The following RIMS1 variants were observed in gnomAD, a reference collection of about 807,000 sequenced individuals.
RIMS1 encodes the protein regulating synaptic membrane exocytosis protein 1.
Under a neutral mutation model 214.1 loss-of-function variants are expected in RIMS1, and 83 were observed. The observed-to-expected ratio is 0.39, with a 90% CI of 0.32 to 0.47. RIMS1 has a LOEUF of 0.47. Among genes scored for constraint, RIMS1 ranks in the 20% least tolerant of loss-of-function variants. The pLI, the probability that RIMS1 is intolerant of heterozygous loss-of-function variation, is 0.99. For synonymous variants in RIMS1, 793 were observed against 786.8 expected (o/e 1.01, Z -0.13); for missense variants, 2,050 against 2,161.8 (o/e 0.95, Z 1.03).
At chr6:72,213,245 C>T in intron 6 of RIMS1, 2 of 1,524,482 alleles carry the variant, frequency 1.3e-6, no homozygotes, top group Middle Eastern at 1.7e-4. Context: ...TAATGGTAAT[C>T]CCACTTCATT....
At chr6:72,138,402 C>T (rs574376080) in intron 4 of RIMS1, among the ~76,000 whole-genome samples, 1 of 152,294 alleles carries the variant, frequency 6.6e-6, no homozygotes, top group East Asian at 1.9e-4. Context: ...AATTAATCCT[C>T]ATTCCTCTCC....
At chr6:71,957,087 G>C (rs1006858666) in intron 1 of RIMS1, among the ~76,000 whole-genome samples, 1 of 152,124 alleles carries the variant, frequency 6.6e-6, no homozygotes, top group African/African-American at 2.4e-5. Flanking sequence ...ATTTGTATTG[G>C]ACCTAGAGTA....
At position 71,952,942 on chromosome 6, in the gene RIMS1, A is replaced by G. The variant is rs577954953; in HGVS notation, c.165-16041A>G. ...TTCAGGTTTGTCTCACAGTAATGGCAGTCAAGAAGGCAAGCTCCAATGCAG... is the reference window on the plus strand; with the variant it reads ...TTCAGGTTTGTCTCACAGTAATGGCGGTCAAGAAGGCAAGCTCCAATGCAG... On this transcript the variant is annotated intron_variant, in intron 1 of 33. Transcript: ENST00000521978. Among the ~76,000 whole-genome samples the G allele has an allele frequency of 8.0e-5, 12 of 149,968 alleles. No homozygotes were observed. The South Asian group carries it at 2.5e-3, about 32-fold the overall frequency.
At chr6:71,974,896 C>G (rs1056421415) in intron 2 of RIMS1, among the ~76,000 whole-genome samples, 1 of 151,926 alleles carries the variant, frequency 6.6e-6, no homozygotes, top group African/African-American at 2.4e-5. Flanking sequence ...TAACATAAAC[C>G]ATTAAAACAA....
At chr6:72,227,292 A>G (rs1348820887) in intron 6 of RIMS1, among the ~76,000 whole-genome samples, 1 of 152,052 alleles carries the variant, frequency 6.6e-6, no homozygotes, top group African/African-American at 2.4e-5. Context: ...GCTTATAATT[A>G]TATAAAAATG....
At chr6:72,095,108 G>A (rs965377721) in intron 2 of RIMS1, among the ~76,000 whole-genome samples, 1 of 131,632 alleles carries the variant, frequency 7.6e-6, no homozygotes, top group Non-Finnish European at 1.6e-5. Flanking sequence ...CCGCCACCAC[G>A]CCCGACTATT....
chr6:72,307,222 CAT>C (rs777265638), intron 26 of RIMS1, 34 bp from the exon 27 acceptor site: 5 of 1,369,352 alleles, frequency 3.7e-6, no homozygotes, highest in South Asian at 2.5e-5. Context: ...AGGTTCTTCA[CAT>C]GTTTTAATAG....
intron 4 of RIMS1, among the ~76,000 whole-genome samples, chr6:72,132,133 A>G (rs1390174565): frequency 6.6e-6 from 1 of 152,208 alleles, no homozygotes; most frequent in Non-Finnish European, 1.5e-5. Flanking sequence ...CTGAGGCGAC[A>G]TACATCCTCC....
At chr6:72,214,354 T>A (rs757376994) in intron 6 of RIMS1, among the ~76,000 whole-genome samples, 164 of 152,102 alleles carry the variant, frequency 1.1e-3, no homozygotes, top group Non-Finnish European at 2.0e-3. Flanking sequence ...AAAAATTGCT[T>A]TTCTAACAGA....
At chr6:72,394,765 C>T (rs2098754004) in intron 31 of RIMS1, among the ~76,000 whole-genome samples, 1 of 151,734 alleles carries the variant, frequency 6.6e-6, no homozygotes, top group Non-Finnish European at 1.5e-5. Context: ...CTTCTAGGAA[C>T]TGAGGTCTAA....
intron 2 of RIMS1, among the ~76,000 whole-genome samples, chr6:72,044,780 T>C (rs75947559): frequency 0.012 from 1,749 of 151,998 alleles, 9 homozygotes; most frequent in Non-Finnish European, 0.017. Flanking sequence ...GGAAAGCTAC[T>C]TTGGAAAGCA....
At chr6:72,131,619 G>A (rs1326423413) in intron 4 of RIMS1, among the ~76,000 whole-genome samples, 1 of 152,224 alleles carries the variant, frequency 6.6e-6, no homozygotes, top group Non-Finnish European at 1.5e-5. Flanking sequence ...GGCAGGGCGA[G>A]ATCACAGGAC....
intron 6 of RIMS1, among the ~76,000 whole-genome samples, chr6:72,198,854 T>C (rs1439472061): frequency 6.6e-6 from 1 of 151,982 alleles, no homozygotes; most frequent in African/African-American, 2.4e-5. Flanking sequence ...CAATTCTGTA[T>C]TCATCTAAAC....
At chr6:72,310,402 AT>A (rs973866591) in intron 27 of RIMS1, among the ~76,000 whole-genome samples, 188 of 148,498 alleles carry the variant, frequency 1.3e-3, no homozygotes, top group African/African-American at 4.3e-3. Flanking sequence ...TCACCATTCT[AT>A]TTTTTTTTTA....
chr6:72,349,556 T>C (rs2097374319), intron 29 of RIMS1, among the ~76,000 whole-genome samples: 1 of 151,904 alleles, frequency 6.6e-6, no homozygotes, highest in Non-Finnish European at 1.5e-5. Flanking sequence ...CACTCTGAAT[T>C]TGAAATTGTA....
intron 4 of RIMS1, among the ~76,000 whole-genome samples, chr6:72,124,850 A>G (rs977227923): frequency 2.0e-5 from 3 of 152,094 alleles, no homozygotes; most frequent in Non-Finnish European, 2.9e-5. Flanking sequence ...GGTCTTCTCT[A>G]TGCTGTTTTT....
chr6:72,377,567 C>T (rs768056570), intron 29 of RIMS1, among the ~76,000 whole-genome samples: 1 of 152,088 alleles, frequency 6.6e-6, no homozygotes, highest in Non-Finnish European at 1.5e-5. Context: ...AAAGCAAGAA[C>T]AGAGTAGGGC....
intron 26 of RIMS1, 36 bp from the exon 27 acceptor site, chr6:72,307,222 C>T: frequency 1.5e-6 from 2 of 1,369,352 alleles, no homozygotes; most frequent in South Asian, 2.5e-5. Flanking sequence ...AGGTTCTTCA[C>T]ATGTTTTAAT....
chr6:72,148,718 T>C, intron 4 of RIMS1: 1 of 432,680 alleles, frequency 2.3e-6, no homozygotes, highest in Non-Finnish European at 4.5e-6. Flanking sequence ...CTTGGGTTTT[T>C]TTTTTTTTTT....
Sources: allele counts gnomAD v4.1 joint callset (sites outside exome capture counted in the v4.1 genomes callset), GRCh38; gene constraint gnomAD v4.1.1; transcripts MANE v1.5; gene names NCBI Gene and HGNC (gene_info 2026-07-23, HGNC 2026-07-21).